SPIN1: variants seen among roughly 807,000 people sequenced by gnomAD.
SPIN1 encodes spindlin 1, also known as spindlin-1.
A neutral mutation model predicts 26.0 loss-of-function variants in SPIN1; 3 were observed. That is an observed-to-expected ratio of 0.12 (90% confidence interval 0.05 to 0.30). The LOEUF (loss-of-function observed/expected upper bound fraction) is 0.30. Among genes scored for constraint, SPIN1 ranks in the 10% least tolerant of loss-of-function variants. The pLI, the probability that SPIN1 is intolerant of heterozygous loss-of-function variation, is 1.00. For synonymous variants in SPIN1, 101 were observed against 116.5 expected (o/e 0.87, Z 0.86); for missense variants, 126 against 333.4 (o/e 0.38, Z 4.84).
chr9:88,394,999 G>A (rs1014020040), intron 1 of SPIN1, among the ~76,000 whole-genome samples: 6 of 151,564 alleles, frequency 4.0e-5, no homozygotes, highest in Non-Finnish European at 5.9e-5. Flanking sequence ...TAGTAGAGAC[G>A]GGGTTTCACT....
intron 4 of SPIN1, among the ~76,000 whole-genome samples, chr9:88,463,227 T>C (rs533953548): frequency 9.8e-4 from 149 of 152,330 alleles, no homozygotes; most frequent in African/African-American, 3.4e-3. Context: ...CAGAGCTTGA[T>C]TGAACAATGT....
chr9:88,444,271 C>T (rs548429013), intron 2 of SPIN1, among the ~76,000 whole-genome samples: 19 of 133,244 alleles, frequency 1.4e-4, no homozygotes, highest in African/African-American at 3.7e-4. Flanking sequence ...GACAGAGTCT[C>T]GCTCTGTCGC....
intron 2 of SPIN1, among the ~76,000 whole-genome samples, chr9:88,445,607 A>G (rs1203883187): frequency 6.7e-6 from 1 of 150,110 alleles, no homozygotes; most frequent in Non-Finnish European, 1.5e-5. Flanking sequence ...CAGTGGCGTG[A>G]TCTTGGCTCA....
intron 5 of SPIN1, among the ~76,000 whole-genome samples, chr9:88,473,646 T>G (rs1378566923): frequency 2.6e-5 from 4 of 151,248 alleles, no homozygotes; most frequent in Non-Finnish European, 5.9e-5. Context: ...TCCAAACTTG[T>G]GTGTGTGTGT....
intron 2 of SPIN1, among the ~76,000 whole-genome samples, chr9:88,438,099 C>T (rs1489145549): frequency 2.6e-5 from 4 of 151,220 alleles, no homozygotes; most frequent in Non-Finnish European, 5.9e-5. Flanking sequence ...TGCAGTGCAT[C>T]GAGATCATGC....
intron 1 of SPIN1, among the ~76,000 whole-genome samples, chr9:88,389,787 TTC>T (rs2119019373): frequency 6.6e-6 from 1 of 152,358 alleles, no homozygotes; most frequent in Admixed American, 6.5e-5. Flanking sequence ...AGTAATTGCT[TTC>T]TACATCGCTT....
At chr9:88,418,830 T>C (rs1353161288) in intron 1 of SPIN1, 1 of 152,140 alleles carries the variant, frequency 6.6e-6, no homozygotes, top group Non-Finnish European at 1.5e-5. Flanking sequence ...GACCAAGTTA[T>C]TTTAATGTCT....
intron 2 of SPIN1, among the ~76,000 whole-genome samples, chr9:88,429,005 C>G (rs1318147526): frequency 1.3e-5 from 2 of 152,174 alleles, no homozygotes; most frequent in Admixed American, 6.5e-5. Flanking sequence ...TCCCGACTAG[C>G]TGGGACCACA....
intron 2 of SPIN1, among the ~76,000 whole-genome samples, chr9:88,435,833 A>G (rs1263948056): frequency 6.6e-6 from 1 of 152,036 alleles, no homozygotes; most frequent in Non-Finnish European, 1.5e-5. Flanking sequence ...TATATCACAT[A>G]AGTCTTGCTT....
chr9:88,403,729 A>G (rs1001599918), intron 1 of SPIN1, among the ~76,000 whole-genome samples: 4 of 152,170 alleles, frequency 2.6e-5, no homozygotes, highest in Admixed American at 2.6e-4. Flanking sequence ...GGGGGAAAAA[A>G]AAGAAAACCA....
At chr9:88,397,797 T>G (rs545702013) in intron 1 of SPIN1, among the ~76,000 whole-genome samples, 87 of 151,966 alleles carry the variant, frequency 5.7e-4, no homozygotes, top group Non-Finnish European at 1.0e-3. Context: ...AATTTTTTTG[T>G]ATTTTTAGTA....
At chr9:88,474,970 A>AT (rs562928702) in intron 5 of SPIN1, 108 bp from the exon 6 acceptor site, 39 of 1,139,102 alleles carry the variant, frequency 3.4e-5, no homozygotes, top group Non-Finnish European at 4.4e-5. Context: ...GGCTATTAAA[A>AT]TTTTTTTTAA....
At chr9:88,468,759 C>T (rs1258486256) in intron 5 of SPIN1, among the ~76,000 whole-genome samples, 154 bp downstream of exon 5, 1 of 152,112 alleles carries the variant, frequency 6.6e-6, no homozygotes, top group Non-Finnish European at 1.5e-5. Flanking sequence ...AATTTTTCAT[C>T]CAGTTGTTAT....
At chr9:88,428,777 C>T (rs1017920604) in intron 2 of SPIN1, among the ~76,000 whole-genome samples, 1 of 151,738 alleles carries the variant, frequency 6.6e-6, no homozygotes, top group Non-Finnish European at 1.5e-5. Context: ...TCCTAGTTGG[C>T]GTGTGAGATA....
chr9:88,402,602 A>G (rs1157595005), intron 1 of SPIN1, among the ~76,000 whole-genome samples: 1 of 151,860 alleles, frequency 6.6e-6, no homozygotes, highest in Non-Finnish European at 1.5e-5. Flanking sequence ...CACTTAACAT[A>G]ATGACCTCCA....
At chr9:88,459,547 T>C (rs941365141) in intron 3 of SPIN1, among the ~76,000 whole-genome samples, 5 of 145,440 alleles carry the variant, frequency 3.4e-5, no homozygotes, top group African/African-American at 1.1e-4. Context: ...TCTTTTTTGA[T>C]CTAAGTTTAT....
chr9:88,429,685 G>A (rs1476336634), intron 2 of SPIN1, among the ~76,000 whole-genome samples: 1 of 152,140 alleles, frequency 6.6e-6, no homozygotes, highest in Non-Finnish European at 1.5e-5. Context: ...TCTGTCTTTT[G>A]TGGTTTTTAT....
chr9:88,407,400 T>TC (rs1244935380), intron 1 of SPIN1, among the ~76,000 whole-genome samples: 2 of 151,894 alleles, frequency 1.3e-5, no homozygotes, highest in Non-Finnish European at 2.9e-5. Flanking sequence ...CTGCTTGGCC[T>TC]CCCAAAGTCC....
At chr9:88,451,868 A>T (rs183032762) in intron 3 of SPIN1, among the ~76,000 whole-genome samples, 25 of 152,290 alleles carry the variant, frequency 1.6e-4, no homozygotes, top group African/African-American at 5.8e-4. Context: ...GCCTAAAAGT[A>T]CATCTTGGAG....
Sources: gnomAD v4.1 joint callset for allele counts (sites outside exome capture counted in the v4.1 genomes callset) on GRCh38, gnomAD v4.1.1 for gene constraint, MANE v1.5 for transcripts, NCBI Gene and HGNC (gene_info 2026-07-23, HGNC 2026-07-21) for gene names.